IQGAP2: variants seen among roughly 807,000 people sequenced by gnomAD.
IQGAP2 encodes the protein ras GTPase-activating-like protein IQGAP2.
A neutral mutation model predicts 201.3 loss-of-function variants in IQGAP2; 173 were observed. The observed-to-expected ratio is 0.86, with a 90% CI of 0.76 to 0.98. The LOEUF is 0.98. Ranked by LOEUF, IQGAP2 falls within the 50% of genes least tolerant of loss-of-function variation. The pLI, the probability that IQGAP2 is intolerant of heterozygous loss-of-function variation, is 0.00. For synonymous variants in IQGAP2, 675 were observed against 673.9 expected (o/e 1.00, Z -0.03); for missense variants, 1,687 against 1,864.8 (o/e 0.90, Z 1.76).
chr5:76,572,585 G>A (rs1330731224), intron 4 of IQGAP2, among the ~76,000 whole-genome samples: 2 of 151,794 alleles, frequency 1.3e-5, no homozygotes, highest in Admixed American at 1.3e-4. Flanking sequence ...TTACAGGTGG[G>A]CACCACCACA....
rs1306669390 is a variant in IQGAP2, at chr5:76,498,822, T to G, written c.146+37153T>G. On this transcript the variant is annotated intron_variant, in intron 2 of 35. Transcript: ENST00000274364. The stretch of plus-strand genomic sequence containing the variant: ...TTCTAGGCCCATAATTCAGAATCAG[T>G]GGAAGAGACAATGTTGATACATCTC... 4.6e-5 allele frequency among the ~76,000 whole-genome samples: 7 copies of G among 152,290 alleles called. No individual in the cohort carries two copies. In the East Asian group the frequency reaches 1.2e-3, roughly 25 times the overall value.
chr5:76,584,645 C>A (rs1481369872), intron 5 of IQGAP2, among the ~76,000 whole-genome samples: 1 of 152,202 alleles, frequency 6.6e-6, no homozygotes, highest in East Asian at 1.9e-4. Flanking sequence ...CCCAAGACAG[C>A]TAATGACCTC....
rs575988764 is a variant in IQGAP2, at chr5:76,536,654, G to T, written c.147-25742G>T. 2.6e-5 allele frequency among the ~76,000 whole-genome samples: 4 copies of T among 151,810 alleles called. No individual in the cohort carries two copies. The South Asian group carries it at 6.2e-4, about 24-fold the overall frequency. On this transcript the variant is annotated intron_variant, in intron 2 of 35. Transcript: ENST00000274364. ...CACGCCTGTAATCCCAGCTACTCTG[G>T]AGGCTGAGGCAGGGAGAATCACCTG...
chr5:76,577,123 G>A (rs1157358677), intron 5 of IQGAP2, among the ~76,000 whole-genome samples: 2 of 152,166 alleles, frequency 1.3e-5, no homozygotes, highest in Non-Finnish European at 2.9e-5. Flanking sequence ...TAGTTCTGTC[G>A]CATGCTCGTG....
At chr5:76,457,269 A>T (rs1383339103) in intron 1 of IQGAP2, among the ~76,000 whole-genome samples, 2 of 152,104 alleles carry the variant, frequency 1.3e-5, no homozygotes. Context: ...GAGCTACCCC[A>T]GCCGGACATA....
intron 1 of IQGAP2, among the ~76,000 whole-genome samples, chr5:76,442,205 A>G (rs754984284): frequency 5.3e-5 from 8 of 152,166 alleles, no homozygotes; most frequent in Non-Finnish European, 1.2e-4. Flanking sequence ...CATAGAGAAT[A>G]TATATGCATT....
Position 76,403,299 on chromosome 5 carries a change from A to AGGC in IQGAP2, c.-239_-237dup. Reference sequence around the variant, plus strand: ...GAGGAGAAAGGAAACCTGCTGCGGGAGGCGGCGGCGACCGGCCAGGGAGCG... The same window carrying AGGC: ...GAGGAGAAAGGAAACCTGCTGCGGGAGGCGGCGGCGGCGACCGGCCAGGGAGCG... On this transcript the variant is annotated 5_prime_UTR_variant, in exon 1 of 36. Coordinates refer to ENST00000274364, the MANE Select transcript of IQGAP2 (RefSeq NM_006633.5). The surrounding 1 kb of genome is among the most constrained non-coding windows in gnomAD (Gnocchi z 4.8). 1 of 347,662 alleles carries AGGC rather than the reference A, an allele frequency of 2.9e-6. No homozygotes were observed. Among genetic ancestry groups the AGGC allele is most frequent in the Non-Finnish European group, 5.1e-6 (1 of 194,248 alleles). The allele number at this position is 347,662 out of a possible 1,614,324, so 21.5% of individuals were successfully genotyped here.
intron 1 of IQGAP2, among the ~76,000 whole-genome samples, chr5:76,416,531 C>CTTTTTTTTTTTT (rs1200311978): frequency 1.4e-5 from 2 of 144,102 alleles, no homozygotes; most frequent in African/African-American, 5.2e-5. Flanking sequence ...GTTCTTTGAG[C>CTTTTTTTTTTTT]TTTTTTTTTT....
intron 2 of IQGAP2, among the ~76,000 whole-genome samples, chr5:76,480,723 G>C (rs1224888813): frequency 1.3e-5 from 2 of 152,174 alleles, no homozygotes; most frequent in African/African-American, 4.8e-5. Flanking sequence ...GGAAAGAAGT[G>C]AGTTGTCATG....
intron 13 of IQGAP2, among the ~76,000 whole-genome samples, chr5:76,622,101 C>T (rs1749746087): frequency 6.6e-6 from 1 of 152,162 alleles, no homozygotes; most frequent in Admixed American, 6.5e-5. Flanking sequence ...TTGCTTCATT[C>T]TTCCTTCACA....
At chr5:76,507,960 GC>G (rs1456540986) in intron 2 of IQGAP2, among the ~76,000 whole-genome samples, 2 of 138,110 alleles carry the variant, frequency 1.4e-5, no homozygotes, top group Non-Finnish European at 3.0e-5. Flanking sequence ...CCAAGATCGC[GC>G]CACTGCACCC....
At chr5:76,619,665 C>T (rs1322139236) in intron 13 of IQGAP2, among the ~76,000 whole-genome samples, 1 of 151,950 alleles carries the variant, frequency 6.6e-6, no homozygotes, top group Non-Finnish European at 1.5e-5. Flanking sequence ...TACAAGCGCC[C>T]GCCACCAGGC....
At chr5:76,582,299 A>G (rs1045549012) in intron 5 of IQGAP2, among the ~76,000 whole-genome samples, 5 of 152,228 alleles carry the variant, frequency 3.3e-5, no homozygotes, top group African/African-American at 1.2e-4. Context: ...CCTCTCAGCT[A>G]TTATATTTAA....
At chr5:76,689,355 T>C (rs1437057289) in intron 30 of IQGAP2, among the ~76,000 whole-genome samples, 1 of 151,734 alleles carries the variant, frequency 6.6e-6, no homozygotes, top group African/African-American at 2.4e-5. Flanking sequence ...ACTCAGCAAG[T>C]TGCCTCGCCA....
At chr5:76,671,125 G>C (rs952449084) in intron 23 of IQGAP2, among the ~76,000 whole-genome samples, 1 of 152,024 alleles carries the variant, frequency 6.6e-6, no homozygotes, top group Admixed American at 6.6e-5. Context: ...GCTGGGCATG[G>C]TGGCATGTGC....
intron 24 of IQGAP2, among the ~76,000 whole-genome samples, chr5:76,673,061 T>A (rs917560372): frequency 6.6e-6 from 1 of 151,858 alleles, no homozygotes; most frequent in Non-Finnish European, 1.5e-5. Flanking sequence ...ATAATAATAA[T>A]AAAATAAAAA....
chr5:76,567,836 C>A (rs1410122069), intron 3 of IQGAP2, among the ~76,000 whole-genome samples: 1 of 151,080 alleles, frequency 6.6e-6, no homozygotes, highest in African/African-American at 2.5e-5. Context: ...CTCATCTATG[C>A]AGTTTAAACT....
intron 1 of IQGAP2, among the ~76,000 whole-genome samples, chr5:76,428,437 CT>C (rs1003388325): frequency 0.03 from 4,118 of 135,622 alleles, 148 homozygotes; most frequent in African/African-American, 0.1. Context: ...ATCCTTTTTT[CT>C]TTTTTTTTTT....
At chr5:76,518,123 A>G (rs1393365076) in intron 2 of IQGAP2, among the ~76,000 whole-genome samples, 1 of 151,994 alleles carries the variant, frequency 6.6e-6, no homozygotes, top group Non-Finnish European at 1.5e-5. Context: ...ATGCCCAGGT[A>G]ATTTTTCTGT....
Sources: allele counts gnomAD v4.1 joint callset (sites outside exome capture counted in the v4.1 genomes callset), GRCh38; gene constraint gnomAD v4.1.1; non-coding constraint Gnocchi (gnomAD v3.1); transcripts MANE v1.5; gene names NCBI Gene and HGNC (gene_info 2026-07-23, HGNC 2026-07-21).